ASB3: variants seen among roughly 807,000 people sequenced by gnomAD.
The protein encoded by ASB3 is ankyrin repeat and SOCS box protein 3.
A neutral mutation model predicts 54.5 loss-of-function variants in ASB3; 41 were observed. That is an observed-to-expected ratio of 0.75 (90% CI 0.59 to 0.98). The LOEUF is 0.98. Among genes scored for constraint, ASB3 ranks in the 50% least tolerant of loss-of-function variants. The probability of loss-of-function intolerance (pLI) is 0.00; values close to 1 mark genes in which losing one functional copy is unlikely to be tolerated. For missense variants in ASB3, 733 were observed against 620.0 expected (o/e 1.18, Z -1.94); for synonymous variants, 266 against 221.2 (o/e 1.20, Z -1.80).
chr2:53,700,620 G>C lies in ASB3; in HGVS notation c.981-92C>G, dbSNP rs942143012. 8.2e-6 allele frequency: 12 copies of C among 1,464,754 alleles called. No homozygotes were observed. In the African/African-American group the frequency reaches 1.0e-4, roughly 12 times the overall value. 90.7% of individuals were successfully genotyped at this position (1,464,754 alleles called of 1,614,324 possible). A position where few individuals can be genotyped will look rare whatever the true frequency, so the allele number is the denominator to read the frequency against. On this transcript the variant is annotated intron_variant, in intron 7 of 9. Transcript: ENST00000263634. ...ACAGTTAATAGTAGTTACAGCTGGG[G>C]AATAAGTATGGCAGATTAAATAGTG...
At chr2:53,747,522 GACA>G (rs1672291334) in intron 3 of ASB3, among the ~76,000 whole-genome samples, 1 of 152,212 alleles carries the variant, frequency 6.6e-6, no homozygotes, top group Non-Finnish European at 1.5e-5. Context: ...CTCCAGGCTG[GACA>G]ACGAGACTGA....
At chr2:53,704,324 C>A (rs1669650887) in intron 7 of ASB3, among the ~76,000 whole-genome samples, 1 of 146,886 alleles carries the variant, frequency 6.8e-6, no homozygotes, top group African/African-American at 2.5e-5. Context: ...CACGCCACTG[C>A]ACTCCAGCCT....
At chr2:53,687,442 A>G (rs1192957567) in intron 9 of ASB3, among the ~76,000 whole-genome samples, 5 of 152,232 alleles carry the variant, frequency 3.3e-5, no homozygotes, top group Admixed American at 3.3e-4. Context: ...GTTTTTTAAG[A>G]TAACAGGCAA....
intron 5 of ASB3, among the ~76,000 whole-genome samples, chr2:53,723,673 A>G (rs1572909724): frequency 6.6e-6 from 1 of 152,234 alleles, no homozygotes; most frequent in African/African-American, 2.4e-5. Context: ...ACATTACCCA[A>G]TTTCAAACTC....
At chr2:53,733,567 G>A (rs1361790727) in intron 3 of ASB3, among the ~76,000 whole-genome samples, 5 of 151,896 alleles carry the variant, frequency 3.3e-5, no homozygotes, top group Non-Finnish European at 5.9e-5. Flanking sequence ...TCAGCCTCCC[G>A]AGTAGCTGGG....
intron 2 of ASB3, among the ~76,000 whole-genome samples, chr2:53,754,308 T>C (rs932879626): frequency 2.0e-5 from 3 of 152,296 alleles, no homozygotes; most frequent in South Asian, 4.1e-4. Flanking sequence ...AAATAATTTA[T>C]GTAAAGACTA....
intron 7 of ASB3, among the ~76,000 whole-genome samples, chr2:53,705,640 A>G (rs1669728865): frequency 6.6e-6 from 1 of 152,032 alleles, no homozygotes; most frequent in African/African-American, 2.4e-5. Flanking sequence ...AGTTTTTGGC[A>G]ATTATTAATT....
chr2:53,725,041 A>G (rs7595816), intron 5 of ASB3, among the ~76,000 whole-genome samples: 40,200 of 152,108 alleles, frequency 0.26, 5,424 homozygotes, highest in Non-Finnish European at 0.27. Context: ...GTGCCCATCA[A>G]TGGATACCTG....
chr2:53,712,506 C>A (rs1315795001), intron 7 of ASB3, among the ~76,000 whole-genome samples: 1 of 152,162 alleles, frequency 6.6e-6, no homozygotes, highest in African/African-American at 2.4e-5. Context: ...TAAGATCTTT[C>A]CCACCTAATT....
At chr2:53,719,139 G>C (rs1196914474) in intron 5 of ASB3, among the ~76,000 whole-genome samples, 2 of 152,090 alleles carry the variant, frequency 1.3e-5, no homozygotes, top group Admixed American at 6.5e-5. Flanking sequence ...TGGCCAGGAT[G>C]GTCTTGATCT....
intron 2 of ASB3, among the ~76,000 whole-genome samples, chr2:53,753,535 T>C (rs1199073971): frequency 1.3e-5 from 2 of 152,160 alleles, no homozygotes; most frequent in Non-Finnish European, 2.9e-5. Flanking sequence ...TATACATGGG[T>C]TATAATATAT....
At chr2:53,767,988 G>A (rs765244986) in intron 1 of ASB3, 3 of 1,611,504 alleles carry the variant, frequency 1.9e-6, no homozygotes, top group Non-Finnish European at 2.5e-6. Context: ...GCTTCTGGCA[G>A]GGCAGCACGG....
At chr2:53,673,021 C>A (rs2103622114) in intron 9 of ASB3, among the ~76,000 whole-genome samples, 1 of 152,306 alleles carries the variant, frequency 6.6e-6, no homozygotes, top group Admixed American at 6.5e-5. Flanking sequence ...ATAAGCATAA[C>A]TGCTGTTTGG....
At position 53,743,164 on chromosome 2, in the gene ASB3, CTT is replaced by C. The variant is rs60857484; in HGVS notation, c.355+7617_355+7618del. 3.1e-3 allele frequency among the ~76,000 whole-genome samples: 369 copies of C among 117,810 alleles called. 1 individual carries two copies. The highest frequency in any genetic ancestry group is 8.4e-3 in the African/African-American group (259 of 30,728). The allele number at this position is 117,810 out of a possible 152,430, so 77.3% of individuals were successfully genotyped here. On this transcript the variant is annotated intron_variant, in intron 3 of 9. Coordinates refer to ENST00000263634, the MANE Select transcript of ASB3 (RefSeq NM_016115.5). ...AATTTAAGTGATTCAATTTTTTTACCTTTTTTTTTTTTTTTTTTGCAGAGATG... is the reference window on the plus strand; with the variant it reads ...AATTTAAGTGATTCAATTTTTTTACCTTTTTTTTTTTTTTTTGCAGAGATG...
intron 8 of ASB3, among the ~76,000 whole-genome samples, chr2:53,699,596 C>T (rs1007623361): frequency 2.6e-5 from 4 of 152,198 alleles, no homozygotes; most frequent in East Asian, 1.9e-4. Flanking sequence ...AACAAGTCCT[C>T]TATTTTCCTG....
intron 9 of ASB3, among the ~76,000 whole-genome samples, chr2:53,678,205 C>T (rs982231329): frequency 3.3e-5 from 5 of 151,988 alleles, no homozygotes; most frequent in Non-Finnish European, 5.9e-5. Context: ...TACCAGTACA[C>T]AACACAGTAT....
rs200763118 is a variant in ASB3 at position 53,703,724 on chromosome 2, A to G, written c.981-3196T>C. 7.2e-5 allele frequency among the ~76,000 whole-genome samples: 11 copies of G among 152,340 alleles called. No individual in the cohort carries two copies. The East Asian group carries it at 1.5e-3, about 21-fold the overall frequency. On this transcript the variant is annotated intron_variant, in intron 7 of 9. Transcript: ENST00000263634. ...GAATACAACAGGTCAATAGTGCAAG[A>G]AAGTCCACAAATAGTAAATTAATAG...
At chr2:53,748,141 CACCCACACAAGGCTTAGT>C (rs1306744774) in intron 3 of ASB3, 1 of 152,180 alleles carries the variant, frequency 6.6e-6, no homozygotes, top group Non-Finnish European at 1.5e-5. Flanking sequence ...TCATGTAAAA[CACCCACACAAGGCTTAGT>C]ATACACTCTG....
At chr2:53,735,904 G>A (rs901620125) in intron 3 of ASB3, among the ~76,000 whole-genome samples, 1 of 151,390 alleles carries the variant, frequency 6.6e-6, no homozygotes, top group Admixed American at 6.6e-5. Context: ...TATCCATATG[G>A]GGAAAAAAAT....
Sources: gnomAD v4.1 joint callset for allele counts (sites outside exome capture counted in the v4.1 genomes callset) on GRCh38, gnomAD v4.1.1 for gene constraint, MANE v1.5 for transcripts, NCBI Gene and HGNC (gene_info 2026-07-23, HGNC 2026-07-21) for gene names.